The following GRIK2 variants were observed in gnomAD, a reference collection of about 807,000 sequenced individuals.
The protein encoded by GRIK2 is glutamate ionotropic receptor kainate type subunit 2.
GRIK2 carries 32 observed loss-of-function variants against 100.3 expected under a neutral mutation model. The ratio of observed to expected loss-of-function variants is 0.32; its 90% CI spans 0.24 to 0.43. The LOEUF is 0.43. GRIK2 is among the 20% of genes least tolerant of loss of function. The pLI, the probability that GRIK2 is intolerant of heterozygous loss-of-function variation, is 1.00. For missense variants in GRIK2, 843 were observed against 1,114.9 expected (o/e 0.76, Z 3.47); for synonymous variants, 417 against 389.4 (o/e 1.07, Z -0.83).
chr6:101,509,101 T>G (rs1376973526), intron 2 of GRIK2, among the ~76,000 whole-genome samples: 1 of 141,058 alleles, frequency 7.1e-6, no homozygotes, highest in African/African-American at 2.7e-5. Flanking sequence ...GAGCTTGCAG[T>G]GAGCCGAGAT....
intron 2 of GRIK2, among the ~76,000 whole-genome samples, chr6:101,459,436 T>A (rs969209186): frequency 7.9e-5 from 12 of 152,238 alleles, no homozygotes; most frequent in Admixed American, 6.5e-4. Context: ...ATACTCTTAC[T>A]GAGATTGCTT....
At chr6:101,573,595 C>T (rs911020544) in intron 2 of GRIK2, among the ~76,000 whole-genome samples, 1 of 152,138 alleles carries the variant, frequency 6.6e-6, no homozygotes, top group Non-Finnish European at 1.5e-5. Flanking sequence ...ATTTCTAAAT[C>T]TCTGGGGCTC....
chr6:101,751,022 C>A (rs965122135), intron 7 of GRIK2, among the ~76,000 whole-genome samples: 1 of 151,962 alleles, frequency 6.6e-6, no homozygotes, highest in African/African-American at 2.4e-5. Flanking sequence ...ACATTGAGAC[C>A]CTCTTTTACC....
chr6:101,761,552 T>C (rs1004273471), intron 7 of GRIK2, among the ~76,000 whole-genome samples: 3 of 152,136 alleles, frequency 2.0e-5, no homozygotes, highest in South Asian at 4.1e-4. Context: ...TATTTTGCAA[T>C]ATTCCTTTCC....
chr6:101,801,965 G>C (rs528564925), intron 8 of GRIK2, among the ~76,000 whole-genome samples: 2 of 151,788 alleles, frequency 1.3e-5, no homozygotes, highest in East Asian at 3.9e-4. Flanking sequence ...TATAACAGTA[G>C]TTCTAACTGT....
At chr6:101,679,433 T>C (rs1194270285) in intron 5 of GRIK2, among the ~76,000 whole-genome samples, 1 of 152,136 alleles carries the variant, frequency 6.6e-6, no homozygotes, top group African/African-American at 2.4e-5. Flanking sequence ...ATTTAATCTG[T>C]AGTATTTCTT....
intron 7 of GRIK2, among the ~76,000 whole-genome samples, chr6:101,693,134 A>G (rs1286073666): frequency 2.0e-5 from 3 of 152,178 alleles, no homozygotes; most frequent in Non-Finnish European, 1.5e-5. Flanking sequence ...GCAGCATTTA[A>G]GCATCTAAAA....
intron 14 of GRIK2, among the ~76,000 whole-genome samples, chr6:101,952,085 T>G (rs1791637128): frequency 6.6e-6 from 1 of 152,254 alleles, no homozygotes; most frequent in African/African-American, 2.4e-5. Flanking sequence ...CGTTAGCTCT[T>G]GACAGTGCCT....
chr6:101,662,919 A>G lies in GRIK2; in HGVS notation c.542-13704A>G, dbSNP rs966836366. On this transcript the variant is annotated intron_variant, in intron 4 of 16. Transcript: ENST00000369134. ...ATGTGCTGTCATGTATTCCTGATACATTTACATCTTTTAATCATTCATAAG... is the reference window on the plus strand; with the variant it reads ...ATGTGCTGTCATGTATTCCTGATACGTTTACATCTTTTAATCATTCATAAG... Among the ~76,000 whole-genome samples the G allele has an allele frequency of 2.0e-5, 3 of 152,146 alleles. No individual in the cohort carries two copies. The East Asian group carries it at 5.8e-4, about 29-fold the overall frequency.
At chr6:101,637,235 C>T (rs561446682) in intron 4 of GRIK2, among the ~76,000 whole-genome samples, 1 of 152,236 alleles carries the variant, frequency 6.6e-6, no homozygotes, top group African/African-American at 2.4e-5. Context: ...GCTGTAGACT[C>T]ACCAATCTAC....
At chr6:101,970,832 C>T (rs1793004190) in intron 14 of GRIK2, among the ~76,000 whole-genome samples, 2 of 150,768 alleles carry the variant, frequency 1.3e-5, no homozygotes, top group Admixed American at 1.3e-4. Context: ...CACCTCCTAC[C>T]TCAATTTGAG....
At chr6:101,400,903 C>T (rs769408573) in intron 2 of GRIK2, among the ~76,000 whole-genome samples, 7 of 152,170 alleles carry the variant, frequency 4.6e-5, no homozygotes, top group Non-Finnish European at 8.8e-5. Flanking sequence ...AAGCACGTTG[C>T]TCTTAGCAAC....
chr6:101,987,188 T>C (rs1794062488), intron 14 of GRIK2, among the ~76,000 whole-genome samples: 1 of 151,746 alleles, frequency 6.6e-6, no homozygotes, highest in Admixed American at 6.6e-5. Context: ...AACCTTAGTC[T>C]ACATATCCCT....
chr6:101,723,119 G>T (rs1486910004), intron 7 of GRIK2, among the ~76,000 whole-genome samples: 1 of 152,054 alleles, frequency 6.6e-6, no homozygotes, highest in Non-Finnish European at 1.5e-5. Context: ...CAAAGCATAT[G>T]CACTACTTTG....
intron 12 of GRIK2, among the ~76,000 whole-genome samples, chr6:101,900,467 C>T (rs1317017334): frequency 3.3e-5 from 5 of 151,928 alleles, no homozygotes; most frequent in Non-Finnish European, 7.4e-5. Flanking sequence ...ACAACAACAA[C>T]TACAAAATAT....
chr6:101,644,548 G>A (rs1275426331), intron 4 of GRIK2, among the ~76,000 whole-genome samples: 1 of 151,692 alleles, frequency 6.6e-6, no homozygotes, highest in Non-Finnish European at 1.5e-5. Context: ...GCTGTGGCTG[G>A]AATTTGAAAT....
chr6:101,888,861 A>G (rs1324901566), intron 11 of GRIK2, among the ~76,000 whole-genome samples: 1 of 152,164 alleles, frequency 6.6e-6, no homozygotes, highest in Admixed American at 6.5e-5. Context: ...TTATTTTAAA[A>G]TATTGTAATT....
At chr6:101,456,167 A>C (rs1470130893) in intron 2 of GRIK2, among the ~76,000 whole-genome samples, 4 of 151,632 alleles carry the variant, frequency 2.6e-5, no homozygotes, top group Non-Finnish European at 5.9e-5. Flanking sequence ...GCATATGTGC[A>C]TGTAAGAAAA....
chr6:101,500,721 T>C (rs1400870066), intron 2 of GRIK2, among the ~76,000 whole-genome samples: 1 of 152,100 alleles, frequency 6.6e-6, no homozygotes, highest in Non-Finnish European at 1.5e-5. Context: ...TTGGAAATTA[T>C]TATCCTTCAA....
Sources: allele counts gnomAD v4.1 joint callset (sites outside exome capture counted in the v4.1 genomes callset), GRCh38; gene constraint gnomAD v4.1.1; transcripts MANE v1.5; gene names NCBI Gene and HGNC (gene_info 2026-07-23, HGNC 2026-07-21).